Variants in GINS2 observed in about 807,000 individuals in gnomAD.
GINS2 encodes GINS complex subunit 2.
A neutral mutation model predicts 21.2 loss-of-function variants in GINS2; 23 were observed. The ratio of observed to expected loss-of-function variants is 1.08; its 90% CI spans 0.78 to 1.53. The LOEUF (loss-of-function observed/expected upper bound fraction) is 1.53, where lower values mean the gene tolerates loss of function less well. GINS2 is among the 40% of genes most tolerant of loss of function. The pLI is 0.00. For missense variants in GINS2, 323 were observed against 233.9 expected, an observed-to-expected ratio of 1.38 and a Z score of -2.49; for synonymous variants, 118 against 85.6, an observed-to-expected ratio of 1.38 and a Z score of -2.09.
intron 4 of GINS2, 97 bp downstream of exon 4, chr16:85,678,443 A>G (rs1349917265): frequency 3.2e-6 from 5 of 1,546,054 alleles, no homozygotes; most frequent in Non-Finnish European, 4.4e-6. Context: ...TGAAAAGCAC[A>G]GCTAGTAATG....
At chr16:85,683,060 T>C (rs1567791971) in intron 2 of GINS2, among the ~76,000 whole-genome samples, 1 of 152,022 alleles carries the variant, frequency 6.6e-6, no homozygotes, top group African/African-American at 2.4e-5. Flanking sequence ...CTTCCAGGTG[T>C]CCTGGACCCT....
Position 85,688,834 on chromosome 16 carries a change from C to T in GINS2, c.65G>A (p.Ser22Asn). 1 of 1,545,400 alleles carries T rather than the reference C, an allele frequency of 6.5e-7. No homozygotes were observed. Among genetic ancestry groups the T allele is most frequent in the Non-Finnish European group, 8.7e-7 (1 of 1,143,978 alleles). Residue 22 changes from serine (S) to asparagine (N), a missense_variant, in exon 1 of 5, where the codon AGT becomes AAT. Transcript: ENST00000253462. ...CCCGATGAGGTAGATCTTGTCCAGA[C>T]TGAAGTTGGGGATAATGGTAACCAG... ...KELVTIIPNFSLDKIYLIGGD... is the reference protein window; with the variant it reads ...KELVTIIPNFNLDKIYLIGGD...
chr16:85,678,393 G>T, intron 4 of GINS2, 56 bp from the exon 5 acceptor site: 2 of 1,597,434 alleles, frequency 1.3e-6, no homozygotes, highest in Non-Finnish European at 1.7e-6. Context: ...TGAGAAAAAG[G>T]TAAACTCTAC....
chr16:85,681,499 G>A (rs2053731957), intron 3 of GINS2, 83 bp downstream of exon 3: 5 of 801,612 alleles, frequency 6.2e-6, no homozygotes, highest in South Asian at 1.5e-5. Flanking sequence ...AAGCAGGGAA[G>A]CGGAGAGGAA....
At chr16:85,680,362 A>G (rs1331471892) in intron 3 of GINS2, among the ~76,000 whole-genome samples, 1 of 152,248 alleles carries the variant, frequency 6.6e-6, no homozygotes, top group Non-Finnish European at 1.5e-5. Context: ...TGCAGCATGC[A>G]GTAGTACTAG....
chr16:85,684,868 A>C (rs1480085285), intron 2 of GINS2, among the ~76,000 whole-genome samples: 1 of 151,586 alleles, frequency 6.6e-6, no homozygotes, highest in Non-Finnish European at 1.5e-5. Flanking sequence ...GCTCACTGCA[A>C]CTTCCACCTC....
intron 2 of GINS2, among the ~76,000 whole-genome samples, chr16:85,682,108 C>T (rs1175427996): frequency 7.0e-6 from 1 of 142,160 alleles, no homozygotes; most frequent in Non-Finnish European, 1.5e-5. Context: ...CTCACTGCAG[C>T]TTCAACCTCC....
At chr16:85,678,785 T>G (rs2053708392) in intron 3 of GINS2, 119 bp from the exon 4 acceptor site, 10 of 983,048 alleles carry the variant, frequency 1.0e-5, no homozygotes, top group Non-Finnish European at 1.5e-5. Context: ...AAGTCTGTTT[T>G]GCTTTATTTT....
rs776440982 is a variant in GINS2 at position 85,678,238 on chromosome 16, C to A, written c.532G>T (p.Glu178Ter). ...TAGAAGTCCTGAGACTGAGTACTCT[C>A]CAGAGGCTGGAGGTTCGTGCGGAGT... is the stretch of plus-strand genomic sequence containing the variant. Reference protein sequence around the residue: ...YKLRTNLQPLESTQSQDF With the variant: ...YKLRTNLQPL The change falls in exon 5 of 5, where the codon GAG becomes TAG. Residue 178 changes from glutamate (E) to a stop codon, truncating the protein, a stop_gained. Transcript: ENST00000253462. LOFTEE classifies it high-confidence loss of function. 4 of 1,613,582 alleles carry A rather than the reference C, an allele frequency of 2.5e-6. No homozygotes were observed. The highest frequency in any genetic ancestry group is 2.2e-5 in the South Asian group (2 of 91,054).
chr16:85,685,139 G>A (rs1383373351), intron 2 of GINS2, among the ~76,000 whole-genome samples: 2 of 152,190 alleles, frequency 1.3e-5, no homozygotes, highest in African/African-American at 4.8e-5. Context: ...GCAGCAGGCT[G>A]TTGGGTAGGG....
chr16:85,679,711 C>CA (rs1485208127), intron 3 of GINS2, among the ~76,000 whole-genome samples: 1 of 152,116 alleles, frequency 6.6e-6, no homozygotes, highest in Non-Finnish European at 1.5e-5. Flanking sequence ...ACTTCAAAAA[C>CA]AAAAAATGGA....
At chr16:85,680,393 G>C (rs1003553522) in intron 3 of GINS2, among the ~76,000 whole-genome samples, 4 of 152,186 alleles carry the variant, frequency 2.6e-5, no homozygotes, top group African/African-American at 4.8e-5. Flanking sequence ...TTTTATTCTA[G>C]TTCTGCTCTT....
chr16:85,683,576 C>T (rs920532477), intron 2 of GINS2, among the ~76,000 whole-genome samples: 1 of 152,208 alleles, frequency 6.6e-6, no homozygotes, highest in Non-Finnish European at 1.5e-5. Flanking sequence ...AAGAGCCTGG[C>T]TGTCAGCTTT....
intron 2 of GINS2, among the ~76,000 whole-genome samples, chr16:85,683,480 A>C: frequency 6.6e-6 from 1 of 151,080 alleles, no homozygotes; most frequent in Non-Finnish European, 1.5e-5. Context: ...CAAACCCCCA[A>C]CTCCTGATAC....
intron 2 of GINS2, among the ~76,000 whole-genome samples, chr16:85,685,308 G>A (rs775796039): frequency 6.6e-6 from 1 of 152,150 alleles, no homozygotes; most frequent in Non-Finnish European, 1.5e-5. Context: ...AAAAGTGCCA[G>A]ACACTGATTT....
At chr16:85,686,605 G>A (rs1332868916) in intron 2 of GINS2, among the ~76,000 whole-genome samples, 1 of 152,066 alleles carries the variant, frequency 6.6e-6, no homozygotes, top group Admixed American at 6.6e-5. Context: ...CCATACTTAA[G>A]CAACTACTAA....
At chr16:85,688,754 A>G in intron 1 of GINS2, 55 bp downstream of exon 1, 2 of 1,128,356 alleles carry the variant, frequency 1.8e-6, no homozygotes, top group Non-Finnish European at 2.5e-6. Flanking sequence ...GCCACGCGGG[A>G]GCCCCGGACG....
chr16:85,687,396 G>A lies in GINS2; in HGVS notation c.205+64C>T, dbSNP rs1281023584. ...GGAGGCCCCATGCCTCCACCCCGTGGGAGAGGGCGTCACCCCAAGCCCAGC... is the reference window on the plus strand; with the variant it reads ...GGAGGCCCCATGCCTCCACCCCGTGAGAGAGGGCGTCACCCCAAGCCCAGC... On this transcript the variant is annotated intron_variant, in intron 2 of 4. Coordinates refer to ENST00000253462, the MANE Select transcript of GINS2 (RefSeq NM_016095.3). 4 of 915,734 alleles carry A rather than the reference G, an allele frequency of 4.4e-6. No individual in the cohort carries two copies. The African/African-American group carries it at 5.1e-5, about 12-fold the overall frequency. The allele number at this position is 915,734 out of a possible 1,614,324, so 56.7% of individuals were successfully genotyped here. A position where few individuals can be genotyped will look rare whatever the true frequency, so the allele number is the denominator to read the frequency against.
intron 2 of GINS2, among the ~76,000 whole-genome samples, chr16:85,683,333 C>T (rs28639715): frequency 0.071 from 10,793 of 152,116 alleles, 800 homozygotes; most frequent in African/African-American, 0.16. Context: ...ATCCACACCA[C>T]CTCGTCCAAA....
Sources: allele counts gnomAD v4.1 joint callset (sites outside exome capture counted in the v4.1 genomes callset), GRCh38; gene constraint gnomAD v4.1.1; transcripts MANE v1.5; gene names NCBI Gene and HGNC (gene_info 2026-07-23, HGNC 2026-07-21).